Variants in SYT14 observed in about 807,000 individuals in gnomAD.
The protein encoded by SYT14 is synaptotagmin 14.
In SYT14, 32 loss-of-function variants were observed where a neutral mutation model predicts 74.2. The ratio of observed to expected loss-of-function variants is 0.43; its 90% CI spans 0.33 to 0.58. The LOEUF (loss-of-function observed/expected upper bound fraction) is 0.58. Among genes scored for constraint, SYT14 ranks in the 20% least tolerant of loss-of-function variants. The pLI, the probability that SYT14 is intolerant of heterozygous loss-of-function variation, is 0.05. For missense variants in SYT14, 791 were observed against 981.8 expected, an observed-to-expected ratio of 0.81 and a Z score of 2.60; for synonymous variants, 298 against 337.7, an observed-to-expected ratio of 0.88 and a Z score of 1.29.
At chr1:210,010,290 A>T (rs2080062874) in intron 2 of SYT14, among the ~76,000 whole-genome samples, 1 of 152,156 alleles carries the variant, frequency 6.6e-6, no homozygotes. Flanking sequence ...TCCTGAATAC[A>T]CATACATTCA....
At chr1:209,941,419 T>TG (rs2078728391) in intron 1 of SYT14, among the ~76,000 whole-genome samples, 1 of 152,210 alleles carries the variant, frequency 6.6e-6, no homozygotes, top group East Asian at 1.9e-4. Context: ...AATACCAGGT[T>TG]GGGAATCATT....
At chr1:210,162,632 C>G in exon 10 of SYT14, 1 of 416,542 alleles carries the variant, frequency 2.4e-6, no homozygotes, top group Non-Finnish European at 4.7e-6. Flanking sequence ...CTTCTAGTCC[C>G]AACTAAGTAC....
chr1:209,981,011 G>C (rs151017778), intron 2 of SYT14, among the ~76,000 whole-genome samples: 1 of 152,258 alleles, frequency 6.6e-6, no homozygotes, highest in East Asian at 1.9e-4. Context: ...AATGGGAATA[G>C]CATTCAACCT....
chr1:210,044,903 G>A (rs74730053), intron 5 of SYT14, among the ~76,000 whole-genome samples: 1 of 152,190 alleles, frequency 6.6e-6, no homozygotes, highest in African/African-American at 2.4e-5. Context: ...CAGTGAGTTG[G>A]CAGGGATGTC....
intron 7 of SYT14, among the ~76,000 whole-genome samples, chr1:210,141,630 T>C (rs1359914544): frequency 1.3e-5 from 2 of 152,182 alleles, no homozygotes; most frequent in Non-Finnish European, 2.9e-5. Flanking sequence ...GTCTATATTA[T>C]TGTCATGTGC....
chr1:210,056,048 C>T (rs1024004612), intron 5 of SYT14, among the ~76,000 whole-genome samples: 1 of 152,138 alleles, frequency 6.6e-6, no homozygotes, highest in African/African-American at 2.4e-5. Context: ...TGTAATTATA[C>T]AGTTAGAGGC....
chr1:210,038,192 T>C (rs1444279156), intron 5 of SYT14, among the ~76,000 whole-genome samples: 4 of 152,094 alleles, frequency 2.6e-5, no homozygotes, highest in Non-Finnish European at 5.9e-5. Flanking sequence ...TCTTTTATTG[T>C]TGTTGATTTT....
chr1:210,036,880 A>G (rs984397057), intron 5 of SYT14, among the ~76,000 whole-genome samples: 1 of 151,672 alleles, frequency 6.6e-6, no homozygotes, highest in Non-Finnish European at 1.5e-5. Context: ...AGGGATATGG[A>G]TCTGTAGTTT....
chr1:210,030,951 G>A (rs1293908921), intron 5 of SYT14, among the ~76,000 whole-genome samples: 3 of 139,614 alleles, frequency 2.1e-5, no homozygotes, highest in Non-Finnish European at 4.5e-5. Context: ...TGTTGAGACA[G>A]GTTCTCACTC....
chr1:209,991,736 A>G (rs915409722), intron 2 of SYT14, among the ~76,000 whole-genome samples: 5 of 152,116 alleles, frequency 3.3e-5, no homozygotes, highest in African/African-American at 9.7e-5. Flanking sequence ...AGGCTAAGGC[A>G]TGAGAATCGC....
At chr1:210,163,417 C>T (rs2102735650) in exon 10 of SYT14, 1 of 453,688 alleles carries the variant, frequency 2.2e-6, no homozygotes, top group African/African-American at 2.0e-5. Flanking sequence ...CTGCCAAGTC[C>T]TCAAAGATTA....
At chr1:210,156,777 T>G (rs2083277737) in intron 8 of SYT14, 1 of 178,706 alleles carries the variant, frequency 5.6e-6, no homozygotes, top group Admixed American at 4.8e-5. Flanking sequence ...CACTGAAACC[T>G]CCGCCTCCAG....
chr1:209,962,545 C>G (rs1283290493), intron 2 of SYT14, among the ~76,000 whole-genome samples: 1 of 151,976 alleles, frequency 6.6e-6, no homozygotes, highest in Non-Finnish European at 1.5e-5. Flanking sequence ...TTCTTTGATT[C>G]GTTCTCAGCT....
At chr1:209,992,191 G>C (rs1294499043) in intron 2 of SYT14, among the ~76,000 whole-genome samples, 2 of 152,036 alleles carry the variant, frequency 1.3e-5, no homozygotes, top group Non-Finnish European at 2.9e-5. Context: ...TGTCACCCAG[G>C]CTGGAGTGCA....
chr1:210,053,148 G>A (rs923630588), intron 5 of SYT14, among the ~76,000 whole-genome samples: 3 of 152,150 alleles, frequency 2.0e-5, no homozygotes, highest in Non-Finnish European at 2.9e-5. Context: ...TTATGTTCAT[G>A]CATAGAAGGT....
intron 5 of SYT14, among the ~76,000 whole-genome samples, chr1:210,048,606 G>C (rs560670819): frequency 7.2e-5 from 11 of 152,288 alleles, no homozygotes; most frequent in South Asian, 2.1e-4. Flanking sequence ...GAACTTGTGA[G>C]AGTTAAAATT....
At chr1:210,126,344 C>CAA (rs34217502) in intron 7 of SYT14, among the ~76,000 whole-genome samples, 135 of 137,618 alleles carry the variant, frequency 9.8e-4, no homozygotes, top group East Asian at 7.1e-3. Flanking sequence ...AATTTATGGC[C>CAA]AAAAAAAAAA....
At chr1:209,990,235 G>C (rs984427201) in intron 2 of SYT14, among the ~76,000 whole-genome samples, 1 of 151,738 alleles carries the variant, frequency 6.6e-6, no homozygotes, top group Non-Finnish European at 1.5e-5. Flanking sequence ...TATTAGATTG[G>C]TGATTTTTAA....
At chr1:210,047,483 C>T (rs1437381102) in intron 5 of SYT14, among the ~76,000 whole-genome samples, 3 of 152,084 alleles carry the variant, frequency 2.0e-5, no homozygotes, top group African/African-American at 4.8e-5. Flanking sequence ...CTGCAACCTC[C>T]GCCTCCCAGG....
Sources: allele counts gnomAD v4.1 joint callset (sites outside exome capture counted in the v4.1 genomes callset), GRCh38; gene constraint gnomAD v4.1.1; transcripts MANE v1.5; gene names NCBI Gene and HGNC (gene_info 2026-07-23, HGNC 2026-07-21).